Variants in CCSER1 observed in about 807,000 individuals in gnomAD.
The protein encoded by CCSER1 is coiled-coil serine rich protein 1.
CCSER1 carries 41 observed loss-of-function variants against 82.0 expected under a neutral mutation model. The observed-to-expected ratio is 0.50, with a 90% CI of 0.39 to 0.65. The LOEUF (loss-of-function observed/expected upper bound fraction) is 0.65. Among genes scored for constraint, CCSER1 ranks in the 30% least tolerant of loss-of-function variants. The probability of loss-of-function intolerance (pLI) is 0.00; values close to 1 mark genes in which losing one functional copy is unlikely to be tolerated. For missense variants in CCSER1, 1,119 were observed against 1,064.2 expected (o/e 1.05, Z -0.72); for synonymous variants, 414 against 383.9 (o/e 1.08, Z -0.92).
At chr4:90,492,328 A>T (rs1222586889) in intron 5 of CCSER1, among the ~76,000 whole-genome samples, 2 of 152,088 alleles carry the variant, frequency 1.3e-5, no homozygotes, top group African/African-American at 4.8e-5. Flanking sequence ...GTATTCTCTA[A>T]TAGTAGTTTG....
At chr4:91,596,102 T>C (rs1316324965) in intron 10 of CCSER1, among the ~76,000 whole-genome samples, 2 of 152,040 alleles carry the variant, frequency 1.3e-5, no homozygotes, top group African/African-American at 4.8e-5. Flanking sequence ...TAGATCCACA[T>C]GTGCCTTCTA....
intron 3 of CCSER1, among the ~76,000 whole-genome samples, chr4:90,320,646 A>G (rs1027640551): frequency 3.9e-5 from 6 of 152,126 alleles, no homozygotes. Flanking sequence ...ATCCGCTGCT[A>G]TTTTATCTAG....
chr4:91,459,735 G>A (rs534072036), intron 10 of CCSER1, among the ~76,000 whole-genome samples: 22 of 152,238 alleles, frequency 1.4e-4, no homozygotes, highest in Admixed American at 3.3e-4. Context: ...TTGCTCAAAT[G>A]TCTGTGGCCT....
At chr4:90,164,456 G>C (rs753868227) in intron 1 of CCSER1, among the ~76,000 whole-genome samples, 8 of 152,034 alleles carry the variant, frequency 5.3e-5, no homozygotes, top group Non-Finnish European at 1.0e-4. Context: ...ATCTGTACTT[G>C]TGTTGCTGGG....
intron 6 of CCSER1, among the ~76,000 whole-genome samples, chr4:90,692,226 T>C (rs1336471574): frequency 3.3e-5 from 5 of 151,740 alleles, no homozygotes; most frequent in Non-Finnish European, 7.4e-5. Flanking sequence ...AGACAGTTTG[T>C]CCCGTTCAAT....
intron 1 of CCSER1, among the ~76,000 whole-genome samples, chr4:90,199,029 A>G (rs1483003740): frequency 6.6e-6 from 1 of 152,138 alleles, no homozygotes; most frequent in Admixed American, 6.6e-5. Context: ...CCTGTCTGCT[A>G]TACATTTTCA....
chr4:91,168,739 G>A (rs573148113), intron 10 of CCSER1, among the ~76,000 whole-genome samples: 46 of 152,196 alleles, frequency 3.0e-4, no homozygotes, highest in African/African-American at 1.0e-3. Context: ...TGATGACGAT[G>A]GTGGTTTTGT....
intron 7 of CCSER1, among the ~76,000 whole-genome samples, chr4:90,788,447 T>C (rs914779456): frequency 6.6e-6 from 1 of 152,140 alleles, no homozygotes; most frequent in African/African-American, 2.4e-5. Context: ...CCAAGCATCC[T>C]TTAAAGGTGC....
intron 1 of CCSER1, among the ~76,000 whole-genome samples, chr4:90,176,508 A>C (rs1048237482): frequency 3.3e-5 from 5 of 152,032 alleles, no homozygotes; most frequent in Non-Finnish European, 7.4e-5. Context: ...GCCTTCTAAC[A>C]AAGTGCACAG....
chr4:90,142,722 C>CT (rs1448389371), intron 1 of CCSER1, among the ~76,000 whole-genome samples: 3 of 151,468 alleles, frequency 2.0e-5, no homozygotes, highest in Admixed American at 6.6e-5. Context: ...GCTACCTTCA[C>CT]TTTTTTTTAA....
At chr4:90,554,799 G>A (rs1437960584) in intron 5 of CCSER1, among the ~76,000 whole-genome samples, 1 of 152,134 alleles carries the variant, frequency 6.6e-6, no homozygotes, top group African/African-American at 2.4e-5. Context: ...TCGTTTTTAA[G>A]GGAGATATCT....
intron 5 of CCSER1, among the ~76,000 whole-genome samples, chr4:90,508,504 A>G (rs568942144): frequency 1.3e-3 from 194 of 152,040 alleles, no homozygotes; most frequent in Non-Finnish European, 2.1e-3. Context: ...GAATCCTCCA[A>G]TCTTTCTCAG....
intron 5 of CCSER1, among the ~76,000 whole-genome samples, chr4:90,517,683 G>A (rs1371655457): frequency 1.3e-5 from 2 of 152,074 alleles, no homozygotes; most frequent in Non-Finnish European, 1.5e-5. Context: ...AGTGCATTGA[G>A]GGACTAGAAA....
intron 9 of CCSER1, among the ~76,000 whole-genome samples, chr4:91,039,052 C>G (rs1224286241): frequency 6.6e-6 from 1 of 152,074 alleles, no homozygotes; most frequent in Non-Finnish European, 1.5e-5. Flanking sequence ...TCTTTTAAAA[C>G]AGGGTCTCAC....
chr4:90,137,871 G>A (rs550511154), intron 1 of CCSER1, among the ~76,000 whole-genome samples: 1 of 152,262 alleles, frequency 6.6e-6, no homozygotes, highest in African/African-American at 2.4e-5. Context: ...TCCATCATTT[G>A]GCTTATTCTA....
intron 1 of CCSER1, among the ~76,000 whole-genome samples, chr4:90,233,904 A>G (rs1445823076): frequency 2.0e-5 from 3 of 152,188 alleles, no homozygotes; most frequent in Non-Finnish European, 4.4e-5. Flanking sequence ...GGACACAATT[A>G]AATTATGCCT....
intron 3 of CCSER1, among the ~76,000 whole-genome samples, chr4:90,374,447 G>A (rs1475774271): frequency 6.6e-6 from 1 of 152,160 alleles, no homozygotes; most frequent in African/African-American, 2.4e-5. Context: ...CAACTGATGG[G>A]ATTCAGGCAA....
chr4:91,287,391 G>C (rs1235547164), intron 10 of CCSER1, among the ~76,000 whole-genome samples: 1 of 151,582 alleles, frequency 6.6e-6, no homozygotes, highest in Non-Finnish European at 1.5e-5. Flanking sequence ...TGTATCTACT[G>C]TTCCACACAA....
intron 10 of CCSER1, among the ~76,000 whole-genome samples, chr4:91,370,742 G>A (rs1178096882): frequency 6.6e-6 from 1 of 151,892 alleles, no homozygotes; most frequent in Non-Finnish European, 1.5e-5. Flanking sequence ...GGTACATAGT[G>A]TTTATATTTA....
Sources: allele counts gnomAD v4.1 joint callset (sites outside exome capture counted in the v4.1 genomes callset), GRCh38; gene constraint gnomAD v4.1.1; transcripts MANE v1.5; gene names NCBI Gene and HGNC (gene_info 2026-07-23, HGNC 2026-07-21).